The following ABL1 variants were observed in gnomAD, a reference collection of about 807,000 sequenced individuals.
The protein encoded by ABL1 is ABL proto-oncogene 1, non-receptor tyrosine kinase, also known as tyrosine-protein kinase ABL1.
In ABL1, 11 loss-of-function variants were observed where a neutral mutation model predicts 94.7. The observed-to-expected ratio is 0.12, with a 90% confidence interval of 0.07 to 0.19. The LOEUF (loss-of-function observed/expected upper bound fraction) is 0.19. Among genes scored for constraint, ABL1 ranks in the 10% least tolerant of loss-of-function variants. ABL1 has a pLI of 1.00. For synonymous variants in ABL1, 656 were observed against 622.4 expected (o/e 1.05, Z -0.80); for missense variants, 1,082 against 1,489.4 (o/e 0.73, Z 4.50).
At chr9:130,791,359 AAG>A (rs1829906989) in intron 1 of ABL1, among the ~76,000 whole-genome samples, 1 of 152,220 alleles carries the variant, frequency 6.6e-6, no homozygotes, top group African/African-American at 2.4e-5. Context: ...TAAAAACAAA[AAG>A]AATTTACTGC....
intron 1 of ABL1, among the ~76,000 whole-genome samples, chr9:130,716,867 C>T (rs1269930275): frequency 6.6e-6 from 1 of 151,948 alleles, no homozygotes; most frequent in African/African-American, 2.4e-5. Flanking sequence ...TCTCCTGCCT[C>T]AGCCTCCCAA....
rs1177431880 is a variant in ABL1, at chr9:130,885,083, G to A, written c.2793G>A (p.Lys931=). The change falls in exon 11 of 11, where the codon AAG becomes AAA. Residue 931 remains lysine (K), a synonymous_variant. Transcript: ENST00000318560. ...CCGGGGAGGCAGTCCTGGGCGCAAA[G>A]ACAAAAGCCACGAGTCTGGTTGATG... ...EAAGEAVLGA[K]TKATSLVDAV... is the part of the protein sequence containing the mutation. 6 of 1,610,076 alleles carry A rather than the reference G, an allele frequency of 3.7e-6. No individual in the cohort carries two copies. The Admixed American group carries it at 5.0e-5, about 13-fold the overall frequency.
At position 130,861,460 on chromosome 9, in the gene ABL1, T is replaced by TA. The variant is rs35501935; in HGVS notation, c.550-1303_550-1302insA. On this transcript the variant is annotated intron_variant, in intron 3 of 10. Transcript: ENST00000318560. ...TGCTACCTTCTTTTAAAAACATTTT[T>TA]CTTATTTACTATTACAGACGTATAG... Among the ~76,000 whole-genome samples the TA allele has an allele frequency of 2.8e-3, 433 of 152,360 alleles. 1 individual carries two copies. The highest frequency in any genetic ancestry group is 0.01 in the African/African-American group (420 of 41,578).
intron 1 of ABL1, among the ~76,000 whole-genome samples, chr9:130,826,616 T>G (rs1197264908): frequency 6.6e-6 from 1 of 151,940 alleles, no homozygotes; most frequent in Non-Finnish European, 1.5e-5. Flanking sequence ...GGTCAGAAAT[T>G]AGAGACATTA....
At chr9:130,850,200 G>T (rs1830834282) in intron 1 of ABL1, among the ~76,000 whole-genome samples, 1 of 152,196 alleles carries the variant, frequency 6.6e-6, no homozygotes, top group African/African-American at 2.4e-5. Context: ...TGGTTGATAT[G>T]AAACCAATGA....
chr9:130,724,761 A>AG, intron 1 of ABL1: 1 of 455,966 alleles, frequency 2.2e-6, no homozygotes. Context: ...AAAAAAAAAA[A>AG]AAAAAAAAAG....
chr9:130,789,272 A>T (rs1469078946), intron 1 of ABL1, among the ~76,000 whole-genome samples: 2 of 152,202 alleles, frequency 1.3e-5, no homozygotes, highest in Admixed American at 1.3e-4. Flanking sequence ...CTGAGCTTTC[A>T]CTTTGAGTGG....
exon 1 of ABL1, chr9:130,714,415 G>A: frequency 6.2e-7 from 1 of 1,614,082 alleles, no homozygotes; most frequent in Non-Finnish European, 8.5e-7. Context: ...AGGAATCATC[G>A]AGGCATGGGG....
intron 4 of ABL1, among the ~76,000 whole-genome samples, chr9:130,866,773 A>C (rs1393558457): frequency 6.6e-6 from 1 of 152,248 alleles, no homozygotes; most frequent in Non-Finnish European, 1.5e-5. Context: ...ATTGGGCAGG[A>C]CATAGTCTTG....
chr9:130,736,792 G>C (rs1195527872), intron 1 of ABL1, among the ~76,000 whole-genome samples: 1 of 152,086 alleles, frequency 6.6e-6, no homozygotes, highest in Non-Finnish European at 1.5e-5. Context: ...TGCCCGGCCG[G>C]TTGAACGTTT....
rs371198358 is a variant in ABL1, at chr9:130,805,327, C to T, written c.137-48737C>T. On this transcript the variant is annotated intron_variant, in intron 1 of 10. Transcript: ENST00000372348. ...ACTCCTGACCTCGTGATTCACCCAC[C>T]TCGGCCTCCCAAAGTGCTGGGATAA... is the stretch of plus-strand genomic sequence containing the variant. 2.0e-5 allele frequency among the ~76,000 whole-genome samples: 3 copies of T among 152,192 alleles called. No individual in the cohort carries two copies. In the East Asian group the frequency reaches 5.8e-4, roughly 29 times the overall value.
At chr9:130,834,907 G>C (rs1830538982), upstream of ABL1, 2 of 455,900 alleles carry the variant, frequency 4.4e-6, no homozygotes, top group Admixed American at 2.3e-5. Context: ...CTGGCACCGC[G>C]TACTGGGAAA....
chr9:130,716,137 A>G (rs1465596917), intron 1 of ABL1, among the ~76,000 whole-genome samples: 1 of 122,128 alleles, frequency 8.2e-6, no homozygotes, highest in African/African-American at 3.0e-5. Flanking sequence ...CCCAGGCTGG[A>G]GTGCAGGAGT....
chr9:130,813,610 G>T (rs1050080041), intron 1 of ABL1, among the ~76,000 whole-genome samples: 4 of 148,586 alleles, frequency 2.7e-5, no homozygotes, highest in African/African-American at 7.4e-5. Flanking sequence ...TGGCCACAAG[G>T]AATTAAATGA....
rs576758453 is a variant in ABL1 at position 130,809,732 on chromosome 9, G to C, written c.137-44332G>C. On this transcript the variant is annotated intron_variant, in intron 1 of 10. Coordinates refer to the ABL1 transcript ENST00000372348. ...GTTCAATTCAGGCCTTTAACAGATT[G>C]AATGGGGCTCACCCACATTAGGGAG... Among the ~76,000 whole-genome samples, 3 of 152,296 alleles carry C rather than the reference G, an allele frequency of 2.0e-5. No individual in the cohort carries two copies. In the East Asian group the frequency reaches 5.8e-4, roughly 29 times the overall value.
chr9:130,735,564 C>T (rs1831724280), intron 1 of ABL1, among the ~76,000 whole-genome samples: 1 of 151,446 alleles, frequency 6.6e-6, no homozygotes, highest in South Asian at 2.1e-4. Flanking sequence ...ACAGTATATA[C>T]CGTTCTGTAC....
At chr9:130,800,118 C>T (rs1023204618) in intron 1 of ABL1, among the ~76,000 whole-genome samples, 3 of 152,222 alleles carry the variant, frequency 2.0e-5, no homozygotes, top group Admixed American at 6.5e-5. Context: ...GTGATCCACA[C>T]GCCTCAGCCT....
chr9:130,873,040 A>G lies in ABL1; in HGVS notation c.1085+3A>G. The G allele has an allele frequency of 6.2e-7, 1 of 1,612,726 alleles. No homozygotes were observed. The highest frequency in any genetic ancestry group is 8.5e-7 in the Non-Finnish European group (1 of 1,179,284). Reference sequence around the variant, plus strand: ...GAGAAGAAAAACTTCATCCACAGGTAGGGGCCTGGCCAGGCAGCCTGCGCC... The same window carrying G: ...GAGAAGAAAAACTTCATCCACAGGTGGGGGCCTGGCCAGGCAGCCTGCGCC... On this transcript the variant is annotated splice_donor_region_variant and intron_variant, in intron 6 of 10. Transcript: ENST00000318560.
chr9:130,826,375 C>A (rs1830424277), intron 1 of ABL1, among the ~76,000 whole-genome samples: 2 of 152,104 alleles, frequency 1.3e-5, no homozygotes, highest in South Asian at 4.2e-4. Context: ...CCTGCCTTGG[C>A]CTCCCAAAGT....
Sources: allele counts gnomAD v4.1 joint callset (sites outside exome capture counted in the v4.1 genomes callset), GRCh38; gene constraint gnomAD v4.1.1; transcripts MANE v1.5; gene names NCBI Gene and HGNC (gene_info 2026-07-23, HGNC 2026-07-21).